The following KCNJ6 variants were observed in gnomAD, a reference collection of about 807,000 sequenced individuals.
KCNJ6 encodes the protein potassium inwardly rectifying channel subfamily J member 6, also known as G protein-activated inward rectifier potassium channel 2.
A neutral mutation model predicts 34.2 loss-of-function variants in KCNJ6; 9 were observed. The ratio of observed to expected loss-of-function variants is 0.26; its 90% CI spans 0.16 to 0.46. The LOEUF (loss-of-function observed/expected upper bound fraction) is 0.46. Among genes scored for constraint, KCNJ6 ranks in the 20% least tolerant of loss-of-function variants. The probability of loss-of-function intolerance (pLI) is 1.00; values close to 1 mark genes in which losing one functional copy is unlikely to be tolerated. For synonymous variants in KCNJ6, 196 were observed against 207.1 expected (o/e 0.95, Z 0.46); for missense variants, 236 against 531.3 (o/e 0.44, Z 5.46).
At chr21:37,812,741 A>T (rs1601483865) in intron 2 of KCNJ6, among the ~76,000 whole-genome samples, 3 of 152,332 alleles carry the variant, frequency 2.0e-5, no homozygotes, top group Non-Finnish European at 4.4e-5. Context: ...ACCCTTAAAA[A>T]CTGAGTATAG....
In KCNJ6 at chr21:37,625,417, A is replaced by G. The variant is rs781085073; in HGVS notation, c.1014T>C (p.Pro338=). The G allele has an allele frequency of 6.2e-7, 1 of 1,614,114 alleles. No homozygotes were observed. The highest frequency in any genetic ancestry group is 2.2e-5 in the East Asian group (1 of 44,884). Residue 338 remains proline (P), a synonymous_variant, in exon 4 of 4, where the codon CCT becomes CCC. Coordinates refer to ENST00000609713, the MANE Select transcript of KCNJ6 (RefSeq NM_002240.5). ...AGAACCCGTCCTCCAGGGTCAGGAC[A>G]GGTGTGAACCGGTAACCCCACAGGA... is the stretch of plus-strand genomic sequence containing the variant. ...SEILWGYRFT[P]VLTLEDGFYE...
At chr21:37,715,187 A>G in intron 2 of KCNJ6, 56 bp from the exon 3 acceptor site, 1 of 1,443,524 alleles carries the variant, frequency 6.9e-7, no homozygotes, top group East Asian at 2.4e-5. Context: ...CTCTTTGAGG[A>G]CAATGGAACG....
chr21:37,887,701 G>A (rs1036154397), intron 1 of KCNJ6, among the ~76,000 whole-genome samples: 2 of 152,154 alleles, frequency 1.3e-5, no homozygotes, highest in African/African-American at 4.8e-5. Context: ...GGATGTGAAG[G>A]GGCAAATTTT....
chr21:37,909,831 C>T (rs2055858872), intron 1 of KCNJ6, among the ~76,000 whole-genome samples: 1 of 152,192 alleles, frequency 6.6e-6, no homozygotes, highest in Admixed American at 6.5e-5. Context: ...ATTATTGCCT[C>T]CAATTATTCT....
In KCNJ6 at chr21:37,853,853, T is replaced by TATATATATATAC. The variant is rs58043642; in HGVS notation, c.-27-13145_-27-13144insGTATATATATAT. Among the ~76,000 whole-genome samples the TATATATATATAC allele has an allele frequency of 1.1e-4, 16 of 142,268 alleles. 1 individual carries two copies. The highest frequency in any genetic ancestry group is 3.4e-4 in the African/African-American group (13 of 37,686). The allele number at this position is 142,268 out of a possible 152,430, so 93.3% of individuals were successfully genotyped here. ...AGAGATACATATATATATGTATATA[T>TATATATATATAC]ATATATATAAATTACATTGTGTATA... On this transcript the variant is annotated intron_variant, in intron 1 of 3. Transcript: ENST00000609713.
intron 1 of KCNJ6, among the ~76,000 whole-genome samples, chr21:37,900,366 T>C (rs1280631650): frequency 5.3e-5 from 8 of 152,208 alleles, no homozygotes; most frequent in Admixed American, 5.2e-4. Context: ...ACCACAATGA[T>C]AGTCTATGTT....
chr21:37,731,479 C>T (rs1222326536), intron 2 of KCNJ6, among the ~76,000 whole-genome samples: 1 of 152,090 alleles, frequency 6.6e-6, no homozygotes, highest in Admixed American at 6.5e-5. Flanking sequence ...TACTATGTGC[C>T]GGCATTGAGC....
chr21:37,714,285 T>G lies in KCNJ6; in HGVS notation c.872A>C (p.Glu291Ala), dbSNP rs774513726. 1 of 1,614,134 alleles carries G rather than the reference T, an allele frequency of 6.2e-7. No individual in the cohort carries two copies. Among genetic ancestry groups the G allele is most frequent in the South Asian group, 1.1e-5 (1 of 91,074 alleles). The stretch of plus-strand genomic sequence containing the variant: ...TTTGGGCAGCTGGGCTTTGGAGATC[T>G]CCCAGAAAGGACTCTGTTGGTTAAT... The part of the protein sequence containing the change: ...HEINQQSPFW[E>A]ISKAQLPKEE... Residue 291 changes from glutamate (E) to alanine (A), a missense_variant, in exon 3 of 4, where the codon GAG becomes GCG. This residue lies in a region of KCNJ6 where 60 missense variants were observed against 207.3 expected (regional missense o/e 0.29). Transcript: ENST00000609713. The surrounding 1 kb of genome is among the most constrained non-coding windows in gnomAD (Gnocchi z 5.9).
intron 2 of KCNJ6, among the ~76,000 whole-genome samples, chr21:37,742,088 C>T (rs1406969087): frequency 1.3e-5 from 2 of 152,160 alleles, no homozygotes; most frequent in Non-Finnish European, 1.5e-5. Flanking sequence ...AGGTGAGCTA[C>T]CTAGAAATGG....
chr21:37,672,260 G>C (rs911593365), intron 3 of KCNJ6, among the ~76,000 whole-genome samples: 39 of 152,152 alleles, frequency 2.6e-4, no homozygotes, highest in African/African-American at 7.5e-4. Flanking sequence ...TTAGCTTCTA[G>C]GAAGGAAGCT....
At chr21:37,813,518 A>G (rs1370819305) in intron 2 of KCNJ6, among the ~76,000 whole-genome samples, 2 of 152,254 alleles carry the variant, frequency 1.3e-5, no homozygotes, top group Non-Finnish European at 2.9e-5. Context: ...ACAGAGCTAC[A>G]GTAACAAAAA....
At chr21:37,642,500 A>G (rs73222314) in intron 3 of KCNJ6, among the ~76,000 whole-genome samples, 40,591 of 152,090 alleles carry the variant, frequency 0.27, 5,806 homozygotes, top group South Asian at 0.31. Context: ...ATGGTGGTCA[A>G]AGCTGAGGGG....
chr21:37,882,148 C>G (rs934520279), intron 1 of KCNJ6, among the ~76,000 whole-genome samples: 3 of 152,318 alleles, frequency 2.0e-5, no homozygotes, highest in South Asian at 4.1e-4. Flanking sequence ...TGTGGGTTCA[C>G]TCCATAAGCA....
chr21:37,607,814 G>A lies in KCNJ6; in HGVS notation c.*17345C>T, dbSNP rs1337705746. ...TGTTTTCTTTCTGTTCATCCCTAAA[G>A]GATCATTGGTTTTGCTTGGAGAAAA... On this transcript the variant is annotated 3_prime_UTR_variant, in exon 4 of 4. Transcript: ENST00000609713. 1 of 152,064 alleles carries A rather than the reference G, an allele frequency of 6.6e-6. No individual in the cohort carries two copies. The highest frequency in any genetic ancestry group is 1.5e-5 in the Non-Finnish European group (1 of 68,010). The allele number at this position is 152,064 out of a possible 1,614,324, so 9.4% of individuals were successfully genotyped here. A position where few individuals can be genotyped will look rare whatever the true frequency, so the allele number is the denominator to read the frequency against.
At position 37,625,230 on chromosome 21, in the gene KCNJ6, C is replaced by T. The variant is rs2054305667; in HGVS notation, c.1201G>A (p.Glu401Lys). Residue 401 changes from glutamate (E) to lysine (K), a missense_variant, in exon 4 of 4, where the codon GAA becomes AAA. Coordinates refer to ENST00000609713, the MANE Select transcript of KCNJ6 (RefSeq NM_002240.5). ...TCTGTTTGCTCTTCGAGGTTCTTTT[C>T]TTCCTCTTCAGTCTCCAGTTCTGCA... is the stretch of plus-strand genomic sequence containing the variant. ...QHAELETEEE[E>K]KNLEEQTERN... The T allele has an allele frequency of 5.6e-6, 9 of 1,614,234 alleles. No individual in the cohort carries two copies. The highest frequency in any genetic ancestry group is 7.6e-6 in the Non-Finnish European group (9 of 1,180,034).
Position 37,722,505 on chromosome 21 carries a change from C to G in KCNJ6, c.26-7374G>C, listed in dbSNP as rs552336017. ...GCAATCGTAGGCAAAAAGTACAAAG[C>G]CAGAAGCATCACATTATCTGACTTC... On this transcript the variant is annotated intron_variant, in intron 2 of 3. Transcript: ENST00000609713. Among the ~76,000 whole-genome samples, 34 of 152,258 alleles carry G rather than the reference C, an allele frequency of 2.2e-4. No individual in the cohort carries two copies. The South Asian group carries it at 3.9e-3, about 18-fold the overall frequency.
At position 37,788,907 on chromosome 21, in the gene KCNJ6, T is replaced by A. The variant is rs566851440; in HGVS notation, c.25+51751A>T. 9.8e-5 allele frequency among the ~76,000 whole-genome samples: 15 copies of A among 152,328 alleles called. No individual in the cohort carries two copies. The South Asian group carries it at 2.9e-3, about 29-fold the overall frequency. Reference sequence around the variant, plus strand: ...TGCAGCAAAAGTAACTAACAGTACCTAAGAGTGGTTTTCTGTTCTCTATCA... The same window carrying A: ...TGCAGCAAAAGTAACTAACAGTACCAAAGAGTGGTTTTCTGTTCTCTATCA... On this transcript the variant is annotated intron_variant, in intron 2 of 3. Transcript: ENST00000609713.
At chr21:37,803,759 A>G (rs1048393458) in intron 2 of KCNJ6, among the ~76,000 whole-genome samples, 1 of 152,176 alleles carries the variant, frequency 6.6e-6, no homozygotes, top group Non-Finnish European at 1.5e-5. Context: ...TACCTTCCAC[A>G]TGAAGAAATA....
At chr21:37,685,927 T>C (rs781067338) in intron 3 of KCNJ6, among the ~76,000 whole-genome samples, 2 of 152,012 alleles carry the variant, frequency 1.3e-5, no homozygotes, top group Non-Finnish European at 2.9e-5. Flanking sequence ...TACAAAATCA[T>C]CCACTTCCAT....
Sources: gnomAD v4.1 joint callset for allele counts (sites outside exome capture counted in the v4.1 genomes callset) on GRCh38, gnomAD v4.1.1 for gene constraint, gnomAD v4.1.1 regional missense constraint, Gnocchi (gnomAD v3.1) non-coding constraint, MANE v1.5 for transcripts, NCBI Gene and HGNC (gene_info 2026-07-23, HGNC 2026-07-21) for gene names.